ANO3: variants seen among roughly 807,000 people sequenced by gnomAD.
The protein encoded by ANO3 is anoctamin-3.
ANO3 carries 99 observed loss-of-function variants against 144.8 expected under a neutral mutation model. The observed-to-expected ratio is 0.68, with a 90% CI of 0.58 to 0.81. The LOEUF (loss-of-function observed/expected upper bound fraction) is 0.81. ANO3 is among the 30% of genes least tolerant of loss of function. ANO3 has a pLI of 0.00. For missense variants in ANO3, 905 were observed against 1,202.2 expected (o/e 0.75, Z 3.66); for synonymous variants, 414 against 392.6 (o/e 1.05, Z -0.64).
intron 1 of ANO3, among the ~76,000 whole-genome samples, chr11:26,436,748 A>C (rs1020232437): frequency 6.6e-6 from 1 of 152,166 alleles, no homozygotes; most frequent in African/African-American, 2.4e-5. Flanking sequence ...GAAGGCAACA[A>C]TAGCTAAGAC....
intron 1 of ANO3, among the ~76,000 whole-genome samples, chr11:26,321,022 T>C (rs1055267697): frequency 6.6e-6 from 1 of 152,156 alleles, no homozygotes; most frequent in Non-Finnish European, 1.5e-5. Context: ...TCCTTTTCCT[T>C]ATTGTTCCTG....
At chr11:26,445,229 T>C (rs1858660859) in intron 3 of ANO3, among the ~76,000 whole-genome samples, 1 of 152,192 alleles carries the variant, frequency 6.6e-6, no homozygotes, top group African/African-American at 2.4e-5. Flanking sequence ...AACTATATTA[T>C]CAGTTATTTT....
At chr11:26,501,429 A>G (rs1861189577) in intron 4 of ANO3, among the ~76,000 whole-genome samples, 3 of 152,196 alleles carry the variant, frequency 2.0e-5, no homozygotes, top group Admixed American at 2.0e-4. Context: ...CAAAAACTGT[A>G]GAGAAAAGGA....
At chr11:26,256,946 A>C (rs751787220) in intron 1 of ANO3, among the ~76,000 whole-genome samples, 1 of 152,092 alleles carries the variant, frequency 6.6e-6, no homozygotes, top group Non-Finnish European at 1.5e-5. Context: ...AGAAGCTAGA[A>C]ATGCTGCTAA....
chr11:26,226,411 T>G (rs1339461139), intron 1 of ANO3, among the ~76,000 whole-genome samples: 1 of 152,148 alleles, frequency 6.6e-6, no homozygotes, highest in African/African-American at 2.4e-5. Context: ...TAAAGATTAT[T>G]TCATCCACTT....
rs370260440 is a variant in ANO3, at chr11:26,408,676, G to C, written c.47-33242G>C. ...TGCTGCTATAAAGACACATGCACAC[G>C]TATGTTTATTGTGGCACTATTCACA... On this transcript the variant is annotated intron_variant, in intron 1 of 26. Transcript: ENST00000256737. Among the ~76,000 whole-genome samples the C allele has an allele frequency of 3.3e-4, 49 of 150,364 alleles. No homozygotes were observed. In the South Asian group the frequency reaches 4.0e-3, roughly 12 times the overall value.
chr11:26,561,336 T>A, intron 14 of ANO3: 2 of 742,534 alleles, frequency 2.7e-6, no homozygotes, highest in Non-Finnish European at 3.9e-6. Context: ...AATATATTTT[T>A]ATATGGGCTT....
At chr11:26,286,375 A>G (rs1348095512) in intron 1 of ANO3, among the ~76,000 whole-genome samples, 4 of 152,204 alleles carry the variant, frequency 2.6e-5, no homozygotes, top group African/African-American at 9.6e-5. Flanking sequence ...GCTGCACAGC[A>G]AAATCATGTT....
rs1853917393 is a variant in ANO3 at position 26,662,801 on chromosome 11, T to C, written c.*2357T>C. The C allele has an allele frequency of 6.6e-6, 1 of 152,476 alleles. No homozygotes were observed. Among genetic ancestry groups the C allele is most frequent in the South Asian group, 2.1e-4 (1 of 4,834 alleles). The allele number at this position is 152,476 out of a possible 1,614,324, so 9.4% of individuals were successfully genotyped here. On this transcript the variant is annotated 3_prime_UTR_variant, in exon 27 of 27. Transcript: ENST00000256737. ...TAGAATCTAGTTATGCCTTCATCAC[T>C]GTTGACAGTAAATACTGACAGCCCC...
At chr11:26,508,677 G>A (rs73430271) in intron 5 of ANO3, 3,676 of 164,206 alleles carry the variant, frequency 0.022, 56 homozygotes, top group African/African-American at 0.042. Flanking sequence ...AATGTTCTTG[G>A]AAGAATTTAT....
intron 1 of ANO3, among the ~76,000 whole-genome samples, chr11:26,261,653 T>C (rs1270747811): frequency 6.6e-6 from 1 of 152,172 alleles, no homozygotes; most frequent in Non-Finnish European, 1.5e-5. Context: ...CGACAGTCAC[T>C]AGGGCACACC....
intron 1 of ANO3, among the ~76,000 whole-genome samples, chr11:26,219,005 T>G (rs1852089713): frequency 6.6e-6 from 1 of 152,158 alleles, no homozygotes; most frequent in African/African-American, 2.4e-5. Context: ...TTCTTAACCT[T>G]GGCTCTGTTG....
chr11:26,282,275 G>C lies in ANO3; in HGVS notation c.155-27370G>C, dbSNP rs1438921011. 4.0e-5 allele frequency among the ~76,000 whole-genome samples: 6 copies of C among 151,814 alleles called. No homozygotes were observed. The East Asian group carries it at 1.2e-3, about 29-fold the overall frequency. ...AAAGTCCAGAAATAAATCTGAACTGGGCTTTGCATAAACAAACAGGTTTTC... is the reference window on the plus strand; with the variant it reads ...AAAGTCCAGAAATAAATCTGAACTGCGCTTTGCATAAACAAACAGGTTTTC... On this transcript the variant is annotated intron_variant, in intron 1 of 27. Transcript: ENST00000672621.
chr11:26,272,756 A>T (rs1181419396), intron 1 of ANO3, among the ~76,000 whole-genome samples: 1 of 152,144 alleles, frequency 6.6e-6, no homozygotes, highest in Non-Finnish European at 1.5e-5. Context: ...CTTAATACAG[A>T]TGAAAGTGTC....
intron 1 of ANO3, among the ~76,000 whole-genome samples, chr11:26,218,935 C>T (rs1039632286): frequency 3.9e-5 from 6 of 152,122 alleles, no homozygotes; most frequent in African/African-American, 7.2e-5. Context: ...GAACAGTCAT[C>T]TCCTAAGCTC....
upstream of ANO3, among the ~76,000 whole-genome samples, chr11:26,308,629 A>G (rs377446493): frequency 2.6e-5 from 4 of 152,242 alleles, no homozygotes; most frequent in Admixed American, 1.3e-4. Flanking sequence ...CTTATATTAA[A>G]ATGAAAACAA....
chr11:26,224,646 ATC>A (rs1852220232), intron 1 of ANO3, among the ~76,000 whole-genome samples: 1 of 152,206 alleles, frequency 6.6e-6, no homozygotes, highest in African/African-American at 2.4e-5. Context: ...GACATTCAGA[ATC>A]TATGGTTGAA....
At chr11:26,467,947 G>A (rs1272091879) in intron 4 of ANO3, among the ~76,000 whole-genome samples, 2 of 151,754 alleles carry the variant, frequency 1.3e-5, no homozygotes, top group African/African-American at 4.8e-5. Flanking sequence ...AGCAAATGAG[G>A]GGGATTCTTT....
At chr11:26,277,861 C>T (rs975804523) in intron 1 of ANO3, among the ~76,000 whole-genome samples, 2 of 151,510 alleles carry the variant, frequency 1.3e-5, no homozygotes, top group Admixed American at 6.6e-5. Flanking sequence ...TGCCTGTGAT[C>T]AAAAAAATAC....
Sources: allele counts gnomAD v4.1 joint callset (sites outside exome capture counted in the v4.1 genomes callset), GRCh38; gene constraint gnomAD v4.1.1; transcripts MANE v1.5; gene names NCBI Gene and HGNC (gene_info 2026-07-23, HGNC 2026-07-21).